The following ZNF536 variants were observed in gnomAD, a reference collection of about 807,000 sequenced individuals.
The protein encoded by ZNF536 is zinc finger protein 536.
ZNF536 carries 13 observed loss-of-function variants against 84.5 expected under a neutral mutation model. The ratio of observed to expected loss-of-function variants is 0.15; its 90% CI spans 0.10 to 0.24. The LOEUF (loss-of-function observed/expected upper bound fraction) is 0.24, where lower values mean the gene tolerates loss of function less well. Ranked by LOEUF, ZNF536 falls within the 10% of genes least tolerant of loss-of-function variation. The pLI, the probability that ZNF536 is intolerant of heterozygous loss-of-function variation, is 1.00. For missense variants in ZNF536, 1,536 were observed against 1,747.5 expected, an observed-to-expected ratio of 0.88 and a Z score of 2.16; for synonymous variants, 811 against 742.5, an observed-to-expected ratio of 1.09 and a Z score of -1.50.
intron 2 of ZNF536, among the ~76,000 whole-genome samples, chr19:30,512,773 A>G (rs1321847971): frequency 6.6e-6 from 1 of 152,172 alleles, no homozygotes; most frequent in Non-Finnish European, 1.5e-5. Context: ...TTTAATGATA[A>G]TTGGTGTTTG....
chr19:30,231,846 A>G (rs1290921650), intron 1 of ZNF536, among the ~76,000 whole-genome samples: 1 of 151,870 alleles, frequency 6.6e-6, no homozygotes, highest in African/African-American at 2.4e-5. Context: ...GTGCTGGGGA[A>G]GGGTGCTGCC....
intron 1 of ZNF536, among the ~76,000 whole-genome samples, chr19:30,659,963 G>GT (rs780908335): frequency 3.0e-4 from 46 of 151,476 alleles, no homozygotes; most frequent in South Asian, 1.0e-3. Flanking sequence ...GTGTGTGTGT[G>GT]TGTGTGTGTG....
At chr19:30,386,133 G>C (rs1394580571) in intron 1 of ZNF536, among the ~76,000 whole-genome samples, 1 of 152,080 alleles carries the variant, frequency 6.6e-6, no homozygotes, top group Non-Finnish European at 1.5e-5. Context: ...CCATCCCTCA[G>C]CCCTTTGCCT....
At chr19:30,254,651 T>C (rs1186271503) in intron 1 of ZNF536, among the ~76,000 whole-genome samples, 2 of 150,246 alleles carry the variant, frequency 1.3e-5, no homozygotes, top group African/African-American at 2.5e-5. Flanking sequence ...GAACTGAAAA[T>C]GTGACATTTG....
At chr19:30,286,387 G>C (rs1568305102) in intron 2 of ZNF536, among the ~76,000 whole-genome samples, 1 of 152,154 alleles carries the variant, frequency 6.6e-6, no homozygotes. Context: ...GGAAGAAACA[G>C]GTTTTGCCCT....
chr19:30,257,827 G>C (rs2024991571), intron 1 of ZNF536, among the ~76,000 whole-genome samples: 1 of 152,234 alleles, frequency 6.6e-6, no homozygotes, highest in Admixed American at 6.5e-5. Context: ...CTCACTCTAA[G>C]AGTCTGCATG....
intron 2 of ZNF536, among the ~76,000 whole-genome samples, chr19:30,342,709 A>G (rs2047602022): frequency 6.6e-6 from 1 of 152,230 alleles, no homozygotes; most frequent in South Asian, 2.1e-4. Context: ...TTGAATCCTT[A>G]TGAAAATAAA....
At chr19:30,429,418 G>C (rs552410604) in intron 1 of ZNF536, among the ~76,000 whole-genome samples, 1 of 152,148 alleles carries the variant, frequency 6.6e-6, no homozygotes, top group African/African-American at 2.4e-5. Context: ...AGATCAGGGA[G>C]AGAGGCAGCA....
chr19:30,462,478 G>GT (rs1422535326), intron 2 of ZNF536, among the ~76,000 whole-genome samples: 1 of 152,002 alleles, frequency 6.6e-6, no homozygotes, highest in East Asian at 1.9e-4. Context: ...GTGCCTGTGT[G>GT]TATGTGTTGG....
intron 1 of ZNF536, among the ~76,000 whole-genome samples, chr19:30,374,503 T>C (rs2048730850): frequency 6.6e-6 from 1 of 152,168 alleles, no homozygotes; most frequent in African/African-American, 2.4e-5. Context: ...TATAGTGTTT[T>C]TTTTTAATGT....
At chr19:30,656,375 T>C (rs2049914979) in intron 1 of ZNF536, among the ~76,000 whole-genome samples, 1 of 152,222 alleles carries the variant, frequency 6.6e-6, no homozygotes. Flanking sequence ...TAACTTAGGA[T>C]TGTGAAATCA....
intron 1 of ZNF536, among the ~76,000 whole-genome samples, chr19:30,417,089 C>T (rs905922276): frequency 9.2e-5 from 14 of 151,688 alleles, no homozygotes; most frequent in African/African-American, 3.4e-4. Context: ...TTCTCCTGCC[C>T]CAGCCTCCTG....
intron 1 of ZNF536, among the ~76,000 whole-genome samples, chr19:30,666,202 G>C (rs1222017939): frequency 6.6e-6 from 1 of 152,196 alleles, no homozygotes; most frequent in Non-Finnish European, 1.5e-5. Context: ...AGGAGGTTCT[G>C]AGCTTAGGCC....
intron 1 of ZNF536, among the ~76,000 whole-genome samples, chr19:30,602,184 A>G (rs890916847): frequency 1.3e-5 from 2 of 152,234 alleles, no homozygotes; most frequent in African/African-American, 2.4e-5. Flanking sequence ...GCAGGTGGAT[A>G]TTCACATCTG....
chr19:30,381,823 G>A (rs1180861215), intron 1 of ZNF536, among the ~76,000 whole-genome samples: 3 of 152,186 alleles, frequency 2.0e-5, no homozygotes, highest in Admixed American at 6.5e-5. Context: ...GGAGCTGACC[G>A]GAGCGATCTA....
chr19:30,605,532 G>A (rs941496905), intron 1 of ZNF536, among the ~76,000 whole-genome samples: 21 of 152,128 alleles, frequency 1.4e-4, no homozygotes, highest in African/African-American at 4.6e-4. Context: ...CCTTTTCATA[G>A]CAGAGTAGTA....
At chr19:30,454,282 C>T (rs572622903) in intron 2 of ZNF536, among the ~76,000 whole-genome samples, 67 of 152,302 alleles carry the variant, frequency 4.4e-4, no homozygotes, top group African/African-American at 1.4e-3. Context: ...ATTTGATGCA[C>T]GATGAAACAG....
intron 1 of ZNF536, among the ~76,000 whole-genome samples, chr19:30,687,461 A>T (rs1331601891): frequency 6.6e-6 from 1 of 152,158 alleles, no homozygotes; most frequent in South Asian, 2.1e-4. Flanking sequence ...AGCTGAATTT[A>T]TTTTACTTGG....
At chr19:30,602,615 C>T (rs866112089) in intron 1 of ZNF536, among the ~76,000 whole-genome samples, 16 of 152,128 alleles carry the variant, frequency 1.1e-4, no homozygotes, top group African/African-American at 2.9e-4. Context: ...GCTAAGACCA[C>T]GTGTGCATAT....
Sources: gnomAD v4.1 joint callset for allele counts (sites outside exome capture counted in the v4.1 genomes callset) on GRCh38, gnomAD v4.1.1 for gene constraint, MANE v1.5 for transcripts, NCBI Gene and HGNC (gene_info 2026-07-23, HGNC 2026-07-21) for gene names.